The following NPAS3 variants were observed in gnomAD, a reference collection of about 807,000 sequenced individuals.
The protein encoded by NPAS3 is neuronal PAS domain-containing protein 3.
A neutral mutation model predicts 73.1 loss-of-function variants in NPAS3; 14 were observed. The ratio of observed to expected loss-of-function variants is 0.19; its 90% CI spans 0.13 to 0.30. The LOEUF (loss-of-function observed/expected upper bound fraction) is 0.30, where lower values mean the gene tolerates loss of function less well. NPAS3 is among the 10% of genes least tolerant of loss of function. The probability of loss-of-function intolerance (pLI) is 1.00; values close to 1 mark genes in which losing one functional copy is unlikely to be tolerated. For synonymous variants in NPAS3, 620 were observed against 541.5 expected, an observed-to-expected ratio of 1.14 and a Z score of -2.01; for missense variants, 1,096 against 1,250.0, an observed-to-expected ratio of 0.88 and a Z score of 1.86.
intron 3 of NPAS3, among the ~76,000 whole-genome samples, chr14:33,298,678 T>C (rs1030309396): frequency 2.0e-5 from 3 of 152,176 alleles, no homozygotes; most frequent in African/African-American, 7.2e-5. Flanking sequence ...AGAGATGTAA[T>C]GTCATCTTTA....
At chr14:32,948,981 G>C (rs2036376721) in intron 1 of NPAS3, among the ~76,000 whole-genome samples, 1 of 152,052 alleles carries the variant, frequency 6.6e-6, no homozygotes, top group African/African-American at 2.4e-5. Flanking sequence ...GCTATGGTCA[G>C]CGTATTTTAC....
chr14:33,413,361 C>T (rs1057024699), intron 4 of NPAS3, among the ~76,000 whole-genome samples: 5 of 152,082 alleles, frequency 3.3e-5, no homozygotes, highest in Middle Eastern at 3.4e-3. Flanking sequence ...CATGAGGGCA[C>T]GGCCCCACTT....
intron 3 of NPAS3, among the ~76,000 whole-genome samples, chr14:33,220,560 T>C (rs1167183079): frequency 6.6e-6 from 1 of 152,174 alleles, no homozygotes; most frequent in Non-Finnish European, 1.5e-5. Context: ...CAAGCAATGT[T>C]TATATCACCG....
rs564444512 is a variant in NPAS3 at position 33,586,460 on chromosome 14, G to A, written c.558+26250G>A. Among the ~76,000 whole-genome samples the A allele has an allele frequency of 5.3e-5, 8 of 152,114 alleles. No homozygotes were observed. In the South Asian group the frequency reaches 1.7e-3, roughly 32 times the overall value. On this transcript the variant is annotated intron_variant, in intron 5 of 11. Transcript: ENST00000356141. ...TAACTGAAAGATACTGTTGAATAAA[G>A]TCAGCAGAAGTAATGATTTAGGAAA...
chr14:33,655,059 C>T (rs905646148), intron 5 of NPAS3, among the ~76,000 whole-genome samples: 7 of 152,158 alleles, frequency 4.6e-5, no homozygotes, highest in Non-Finnish European at 1.0e-4. Flanking sequence ...CTCCACTGTA[C>T]GGATGAGGAA....
intron 4 of NPAS3, among the ~76,000 whole-genome samples, chr14:33,436,059 C>G (rs141037628): frequency 6.6e-6 from 1 of 152,158 alleles, no homozygotes; most frequent in Admixed American, 6.5e-5. Flanking sequence ...TTTCTAAGAA[C>G]CAAATATCCT....
chr14:33,303,126 C>T (rs955986610), intron 3 of NPAS3, among the ~76,000 whole-genome samples: 7 of 151,912 alleles, frequency 4.6e-5, no homozygotes, highest in African/African-American at 1.7e-4. Flanking sequence ...TGGAACTTGT[C>T]GCCAGATATT....
chr14:33,367,056 C>G, intron 3 of NPAS3, 130 bp from the exon 4 acceptor site: 1 of 458,880 alleles, frequency 2.2e-6, no homozygotes, highest in Non-Finnish European at 3.9e-6. Flanking sequence ...AAAATTAATA[C>G]TGGGTGGTGG....
intron 4 of NPAS3, among the ~76,000 whole-genome samples, chr14:33,403,701 T>C (rs1040155750): frequency 2.0e-5 from 3 of 152,118 alleles, no homozygotes; most frequent in African/African-American, 7.2e-5. Context: ...TCTTTCCTTC[T>C]TTTGATTGCA....
intron 4 of NPAS3, among the ~76,000 whole-genome samples, chr14:33,409,140 A>G (rs1276413605): frequency 6.6e-6 from 1 of 152,180 alleles, no homozygotes; most frequent in Non-Finnish European, 1.5e-5. Context: ...GGTCCATACT[A>G]TAAGCTCCAG....
intron 3 of NPAS3, among the ~76,000 whole-genome samples, chr14:33,263,555 A>T (rs1209690408): frequency 6.6e-6 from 1 of 152,204 alleles, no homozygotes; most frequent in Non-Finnish European, 1.5e-5. Flanking sequence ...AGGTAGCGTG[A>T]TGCCTCCAGC....
chr14:33,423,190 A>G (rs2048424061), intron 4 of NPAS3, among the ~76,000 whole-genome samples: 1 of 152,058 alleles, frequency 6.6e-6, no homozygotes, highest in Non-Finnish European at 1.5e-5. Context: ...TAGAACTACA[A>G]TTTCACACCT....
intron 3 of NPAS3, among the ~76,000 whole-genome samples, chr14:33,295,397 C>T (rs2042255493): frequency 6.6e-6 from 1 of 152,196 alleles, no homozygotes; most frequent in South Asian, 2.1e-4. Flanking sequence ...CCACTGTGTA[C>T]TCCGCATGCT....
intron 5 of NPAS3, among the ~76,000 whole-genome samples, chr14:33,622,543 T>C (rs925366972): frequency 6.6e-6 from 1 of 152,214 alleles, no homozygotes; most frequent in Admixed American, 6.5e-5. Flanking sequence ...ACTAAAATTC[T>C]ACAGATTTGA....
At chr14:33,179,406 TAAG>T (rs2045714091) in intron 2 of NPAS3, among the ~76,000 whole-genome samples, 1 of 152,214 alleles carries the variant, frequency 6.6e-6, no homozygotes, top group Non-Finnish European at 1.5e-5. Context: ...TAGAGATACT[TAAG>T]GAGTTTCTAC....
At chr14:33,503,377 G>GAAT (rs2052608655) in intron 4 of NPAS3, among the ~76,000 whole-genome samples, 1 of 151,920 alleles carries the variant, frequency 6.6e-6, no homozygotes, top group Non-Finnish European at 1.5e-5. Flanking sequence ...TCATGCCATT[G>GAAT]AATGGTTTTA....
chr14:33,244,122 T>G (rs917633173), intron 3 of NPAS3, among the ~76,000 whole-genome samples: 3 of 151,494 alleles, frequency 2.0e-5, no homozygotes, highest in African/African-American at 7.3e-5. Flanking sequence ...TCAATTTTAT[T>G]GATATCTACA....
At chr14:33,054,036 A>T (rs1408744735) in intron 1 of NPAS3, among the ~76,000 whole-genome samples, 1 of 152,218 alleles carries the variant, frequency 6.6e-6, no homozygotes, top group Admixed American at 6.5e-5. Flanking sequence ...CTTTTAAAAA[A>T]TCTGTAACAT....
At chr14:33,639,374 A>T (rs1475188110) in intron 5 of NPAS3, among the ~76,000 whole-genome samples, 1 of 151,436 alleles carries the variant, frequency 6.6e-6, no homozygotes, top group Non-Finnish European at 1.5e-5. Flanking sequence ...GAAACAATCT[A>T]AAAAAAAATT....
Sources: allele counts gnomAD v4.1 joint callset (sites outside exome capture counted in the v4.1 genomes callset), GRCh38; gene constraint gnomAD v4.1.1; transcripts MANE v1.5; gene names NCBI Gene and HGNC (gene_info 2026-07-23, HGNC 2026-07-21).